Variants in SLC2A14 observed in about 807,000 individuals in gnomAD.
The protein encoded by SLC2A14 is solute carrier family 2 member 14.
Under a neutral mutation model 43.0 loss-of-function variants are expected in SLC2A14, and 13 were observed. The observed-to-expected ratio is 0.30, with a 90% CI of 0.20 to 0.48. The LOEUF is 0.48. SLC2A14 is among the 20% of genes least tolerant of loss of function. The pLI is 0.99. For missense variants in SLC2A14, 428 were observed against 620.4 expected (o/e 0.69, Z 3.29); for synonymous variants, 190 against 233.8 (o/e 0.81, Z 1.71).
At chr12:7,858,710 G>C (rs1365386465) in intron 2 of SLC2A14, among the ~76,000 whole-genome samples, 2 of 151,942 alleles carry the variant, frequency 1.3e-5, no homozygotes, top group Admixed American at 1.3e-4. Context: ...TGTTGGTCAG[G>C]CTGATCTCAA....
intron 5 of SLC2A14, among the ~76,000 whole-genome samples, chr12:7,829,563 A>G (rs1864819260): frequency 1.3e-5 from 2 of 152,226 alleles, no homozygotes; most frequent in South Asian, 2.1e-4. Flanking sequence ...TCAAAAAAAA[A>G]AAAAGAAAAA....
At chr12:7,883,990 C>T in intron 1 of SLC2A14, among the ~76,000 whole-genome samples, 1 of 150,734 alleles carries the variant, frequency 6.6e-6, no homozygotes, top group East Asian at 2.0e-4. Context: ...GTGGCACAAT[C>T]TCGGCTCACT....
At chr12:7,816,781 C>T (rs1310725734) in intron 10 of SLC2A14, among the ~76,000 whole-genome samples, 1 of 151,910 alleles carries the variant, frequency 6.6e-6, no homozygotes, top group Non-Finnish European at 1.5e-5. Context: ...GATCTTGGCT[C>T]ACCACGAACT....
At chr12:7,846,298 A>T (rs1187204940) in intron 2 of SLC2A14, among the ~76,000 whole-genome samples, 1 of 151,948 alleles carries the variant, frequency 6.6e-6, no homozygotes, top group Non-Finnish European at 1.5e-5. Context: ...TTTTATTTAC[A>T]GATATTTGGA....
chr12:7,859,452 G>A (rs1944425141), intron 2 of SLC2A14, among the ~76,000 whole-genome samples: 3 of 152,006 alleles, frequency 2.0e-5, no homozygotes, highest in Non-Finnish European at 4.4e-5. Context: ...AATGTGAGGT[G>A]CAAAATATAC....
chr12:7,884,213 C>T (rs1025762741), intron 1 of SLC2A14, among the ~76,000 whole-genome samples: 1 of 152,136 alleles, frequency 6.6e-6, no homozygotes, highest in Non-Finnish European at 1.5e-5. Context: ...AGCCACCGCG[C>T]CCAGCCTGAA....
intron 1 of SLC2A14, among the ~76,000 whole-genome samples, chr12:7,870,599 T>C (rs1945169989): frequency 6.6e-6 from 1 of 152,056 alleles, no homozygotes; most frequent in Admixed American, 6.6e-5. Context: ...CCTTCCACTA[T>C]TCCACATCCT....
At chr12:7,875,289 C>G (rs1419452417), upstream of SLC2A14, among the ~76,000 whole-genome samples, 2 of 143,326 alleles carry the variant, frequency 1.4e-5, no homozygotes, top group Non-Finnish European at 3.0e-5. Flanking sequence ...AGGCAGATTA[C>G]CTGAGGCTAG....
intron 7 of SLC2A14, among the ~76,000 whole-genome samples, chr12:7,827,294 G>C (rs1346293411): frequency 2.4e-5 from 2 of 81,832 alleles, no homozygotes; most frequent in Non-Finnish European, 4.8e-5. Flanking sequence ...TTTTTTTTTA[G>C]ACGAAGTTTC....
At chr12:7,832,939 A>G in intron 2 of SLC2A14, 125 bp from the exon 3 acceptor site, 1 of 816,824 alleles carries the variant, frequency 1.2e-6, no homozygotes, top group South Asian at 1.9e-5. Context: ...AAGGACAAAC[A>G]TCAAACGAGA....
intron 1 of SLC2A14, among the ~76,000 whole-genome samples, chr12:7,886,923 T>G (rs1218961840): frequency 6.6e-6 from 1 of 151,220 alleles, no homozygotes; most frequent in Non-Finnish European, 1.5e-5. Flanking sequence ...TTTTTTTTTT[T>G]TTTTTTGAGA....
Position 7,819,532 on chromosome 12 carries a change from C to CA in SLC2A14, c.1020dup (p.Gly341TrpfsTer21), listed in dbSNP as rs1863754282. On this transcript the variant is annotated frameshift_variant, in exon 9 of 11. Transcript: ENST00000431042. LOFTEE classifies it high-confidence loss of function. ...AGCGTGGAACAAAAAGCCATCCCTCCAAGGCCTATCATATGCAGAGTCCTT... is the reference window on the plus strand; with the variant it reads ...AGCGTGGAACAAAAAGCCATCCCTCCAAAGGCCTATCATATGCAGAGTCCTT... 1 of 1,612,256 alleles carries CA rather than the reference C, an allele frequency of 6.2e-7. No homozygotes were observed. The highest frequency in any genetic ancestry group is 8.5e-7 in the Non-Finnish European group (1 of 1,179,280).
At chr12:7,823,942 A>T (rs748946082) in intron 7 of SLC2A14, among the ~76,000 whole-genome samples, 1 of 152,224 alleles carries the variant, frequency 6.6e-6, no homozygotes, top group African/African-American at 2.4e-5. Context: ...TAAACTATGT[A>T]TACTTATATT....
At chr12:7,874,720 A>T (rs868768930), upstream of SLC2A14, among the ~76,000 whole-genome samples, 253 of 36,396 alleles carry the variant, frequency 7.0e-3, 1 homozygote, top group Non-Finnish European at 0.012. Context: ...ATGTATATAA[A>T]TATATAAAAA....
chr12:7,860,331 G>C (rs1045859335), intron 2 of SLC2A14: 1 of 152,238 alleles, frequency 6.6e-6, no homozygotes, highest in Non-Finnish European at 1.5e-5. Context: ...GCCTCAGGGC[G>C]AGAGTATAAT....
intron 2 of SLC2A14, among the ~76,000 whole-genome samples, chr12:7,833,155 A>G (rs2376906): frequency 0.82 from 124,316 of 151,746 alleles, 54,096 homozygotes; most frequent in Non-Finnish European, 0.98. Context: ...AACTGGGAGG[A>G]AAGAGGACAA....
At chr12:7,844,364 A>T (rs749462736) in intron 2 of SLC2A14, among the ~76,000 whole-genome samples, 1 of 152,090 alleles carries the variant, frequency 6.6e-6, no homozygotes, top group Non-Finnish European at 1.5e-5. Flanking sequence ...TTTGGCTATG[A>T]CAACATTTAC....
intron 2 of SLC2A14, among the ~76,000 whole-genome samples, chr12:7,851,541 AAT>A (rs1592250887): frequency 6.6e-6 from 1 of 152,162 alleles, no homozygotes; most frequent in East Asian, 1.9e-4. Context: ...TCTAGCTCTA[AAT>A]ATAAAAGCAT....
chr12:7,842,052 C>T (rs1865998270), intron 2 of SLC2A14, among the ~76,000 whole-genome samples: 1 of 151,756 alleles, frequency 6.6e-6, no homozygotes, highest in South Asian at 2.1e-4. Flanking sequence ...CCCTTCCCTA[C>T]TCCTCCAACC....
Sources: allele counts gnomAD v4.1 joint callset (sites outside exome capture counted in the v4.1 genomes callset), GRCh38; gene constraint gnomAD v4.1.1; transcripts MANE v1.5; gene names NCBI Gene and HGNC (gene_info 2026-07-23, HGNC 2026-07-21).